The following TYW1B variants were observed in gnomAD, a reference collection of about 807,000 sequenced individuals.
The protein encoded by TYW1B is tRNA-yW synthesizing protein 1 homolog B.
A neutral mutation model predicts 86.9 loss-of-function variants in TYW1B; 73 were observed. The observed-to-expected ratio is 0.84, with a 90% confidence interval of 0.70 to 1.02. TYW1B has a LOEUF of 1.02. Among genes scored for constraint, TYW1B ranks in the 50% least tolerant of loss-of-function variants. The pLI is 0.00. For missense variants in TYW1B, 637 were observed against 827.4 expected, an observed-to-expected ratio of 0.77 and a Z score of 2.82; for synonymous variants, 248 against 292.8, an observed-to-expected ratio of 0.85 and a Z score of 1.56.
At chr7:72,704,401 T>C (rs1411993967) in intron 10 of TYW1B, among the ~76,000 whole-genome samples, 15 of 133,778 alleles carry the variant, frequency 1.1e-4, no homozygotes, top group Non-Finnish European at 1.5e-5. Context: ...ACCACTGCAC[T>C]CCAGCATAGG....
At chr7:72,713,473 A>G in intron 10 of TYW1B, 148 bp downstream of exon 10, 2 of 756,960 alleles carry the variant, frequency 2.6e-6, no homozygotes. Flanking sequence ...GATTTTGAAG[A>G]GCAGGACCAT....
chr7:72,614,358 C>A (rs534638852), intron 13 of TYW1B, among the ~76,000 whole-genome samples: 1 of 152,138 alleles, frequency 6.6e-6, no homozygotes, highest in Admixed American at 6.6e-5. Flanking sequence ...TCAGACTGGG[C>A]ATGGTGGCCC....
chr7:72,818,494 G>C (rs552717451), intron 2 of TYW1B, among the ~76,000 whole-genome samples: 1 of 144,146 alleles, frequency 6.9e-6, no homozygotes, highest in Non-Finnish European at 1.5e-5. Context: ...TGGAAGGATC[G>C]CTTGAGCCTG....
chr7:72,762,700 C>T (rs1787704833), intron 7 of TYW1B, among the ~76,000 whole-genome samples: 1 of 152,098 alleles, frequency 6.6e-6, no homozygotes, highest in Non-Finnish European at 1.5e-5. Context: ...CACTCTGTCA[C>T]CCAGGCTGGA....
At chr7:72,630,735 A>T (rs1275040931) in intron 11 of TYW1B, among the ~76,000 whole-genome samples, 1 of 152,214 alleles carries the variant, frequency 6.6e-6, no homozygotes, top group East Asian at 1.9e-4. Flanking sequence ...AAAATGCAGT[A>T]TATCATGCAA....
At chr7:72,814,836 A>G (rs1275277517) in intron 3 of TYW1B, among the ~76,000 whole-genome samples, 8 of 151,684 alleles carry the variant, frequency 5.3e-5, no homozygotes, top group Non-Finnish European at 8.8e-5. Context: ...AGGCCAAGGC[A>G]GGTGGATCAC....
intron 7 of TYW1B, among the ~76,000 whole-genome samples, chr7:72,750,413 AGAT>A (rs1787479776): frequency 6.6e-6 from 1 of 152,216 alleles, no homozygotes; most frequent in Non-Finnish European, 1.5e-5. Flanking sequence ...CCATGGTTTC[AGAT>A]GAGAAACGTG....
At chr7:72,594,915 T>G (rs1342298062) in intron 13 of TYW1B, among the ~76,000 whole-genome samples, 2 of 152,134 alleles carry the variant, frequency 1.3e-5, no homozygotes, top group Non-Finnish European at 2.9e-5. Flanking sequence ...AGGAAAGGCA[T>G]CTGACAAAAC....
chr7:72,765,472 A>G (rs73706019), intron 7 of TYW1B, among the ~76,000 whole-genome samples: 2 of 152,184 alleles, frequency 1.3e-5, no homozygotes, highest in African/African-American at 4.8e-5. Context: ...CTGAAACTAG[A>G]TAATTTTTTT....
intron 10 of TYW1B, among the ~76,000 whole-genome samples, chr7:72,706,663 G>T (rs567500813): frequency 6.6e-6 from 1 of 152,134 alleles, no homozygotes; most frequent in Non-Finnish European, 1.5e-5. Flanking sequence ...CAATTCCTCT[G>T]ACAAATGGCA....
chr7:72,725,431 A>T (rs1786981018), intron 9 of TYW1B, among the ~76,000 whole-genome samples: 1 of 152,112 alleles, frequency 6.6e-6, no homozygotes. Context: ...ACTAACTCAA[A>T]AATCAACTTC....
At position 72,738,225 on chromosome 7, in the gene TYW1B, C is replaced by A. The variant is rs186151248; in HGVS notation, c.1082+6259G>T. On this transcript the variant is annotated intron_variant, in intron 8 of 13. Transcript: ENST00000620995. Reference sequence around the variant, plus strand: ...CCTCCCAAGTAGCTGGGATTACAGGCGCCTGCCACTAAGCCCAGCTAATTT... The same window carrying A: ...CCTCCCAAGTAGCTGGGATTACAGGAGCCTGCCACTAAGCCCAGCTAATTT... Among the ~76,000 whole-genome samples the A allele has an allele frequency of 2.6e-5, 4 of 151,862 alleles. No individual in the cohort carries two copies. In the East Asian group the frequency reaches 7.8e-4, roughly 29 times the overall value.
intron 10 of TYW1B, among the ~76,000 whole-genome samples, chr7:72,695,944 CTTTTCT>C (rs1447026643): frequency 3.6e-5 from 4 of 111,014 alleles, no homozygotes; most frequent in Admixed American, 2.7e-4. Context: ...TATACTTTTT[CTTTTCT>C]TTTTTTTTTT....
rs538302462 is a variant in TYW1B at position 72,757,300 on chromosome 7, G to A, written c.965-12699C>T. Among the ~76,000 whole-genome samples, 392 of 151,734 alleles carry A rather than the reference G, an allele frequency of 2.6e-3. 2 individuals carry two copies. Among genetic ancestry groups the A allele is most frequent in the African/African-American group, 7.7e-3 (317 of 41,362 alleles). ...GGAGAATCGCTTGAACCTGGGAGGC[G>A]GAGGTTGCAGTGAGCCAAGATCGCA... On this transcript the variant is annotated intron_variant, in intron 7 of 13. Coordinates refer to ENST00000620995, the MANE Select transcript of TYW1B (RefSeq NM_001145440.3).
intron 6 of TYW1B, among the ~76,000 whole-genome samples, chr7:72,795,512 A>C (rs192485880): frequency 2.1e-4 from 31 of 150,012 alleles, no homozygotes; most frequent in African/African-American, 7.4e-4. Context: ...TTTTGACGCG[A>C]AACTACAGAG....
At chr7:72,585,950 T>C (rs1375699219) in intron 13 of TYW1B, among the ~76,000 whole-genome samples, 1 of 152,154 alleles carries the variant, frequency 6.6e-6, no homozygotes, top group Non-Finnish European at 1.5e-5. Flanking sequence ...ACTCCCATAT[T>C]GCAGTTAAGA....
chr7:72,764,383 A>G (rs1330690920), intron 7 of TYW1B, among the ~76,000 whole-genome samples: 1 of 152,054 alleles, frequency 6.6e-6, no homozygotes, highest in Non-Finnish European at 1.5e-5. Context: ...CCCGGGTTTG[A>G]GCGATTCTTC....
intron 10 of TYW1B, among the ~76,000 whole-genome samples, chr7:72,710,627 A>G (rs1786635219): frequency 6.6e-6 from 1 of 152,030 alleles, no homozygotes; most frequent in African/African-American, 2.4e-5. Context: ...GGAGTTTGAA[A>G]CCAGCCTAAC....
intron 13 of TYW1B, among the ~76,000 whole-genome samples, chr7:72,605,380 G>A (rs1388046830): frequency 7.3e-5 from 11 of 150,066 alleles, no homozygotes; most frequent in Admixed American, 3.3e-4. Context: ...TTGAGACAGC[G>A]TCTCACTCTG....
Sources: gnomAD v4.1 joint callset for allele counts (sites outside exome capture counted in the v4.1 genomes callset) on GRCh38, gnomAD v4.1.1 for gene constraint, MANE v1.5 for transcripts, NCBI Gene and HGNC (gene_info 2026-07-23, HGNC 2026-07-21) for gene names.